CASQ2: variants seen among roughly 807,000 people sequenced by gnomAD.
CASQ2 encodes calsequestrin 2.
In CASQ2, 49 loss-of-function variants were observed where a neutral mutation model predicts 46.5. The observed-to-expected ratio is 1.05, with a 90% CI of 0.84 to 1.34. The LOEUF is 1.34. CASQ2 is among the 40% of genes most tolerant of loss of function. The pLI, the probability that CASQ2 is intolerant of heterozygous loss-of-function variation, is 0.00. For missense variants in CASQ2, 486 were observed against 481.3 expected (o/e 1.01, Z -0.09); for synonymous variants, 174 against 168.5 (o/e 1.03, Z -0.25).
In CASQ2 at chr1:115,734,154, T is replaced by A. The variant is rs576674109; in HGVS notation, c.533-1180A>T. Among the ~76,000 whole-genome samples, 24 of 152,272 alleles carry A rather than the reference T, an allele frequency of 1.6e-4. 2 individuals carry two copies. In the South Asian group the frequency reaches 4.8e-3, roughly 30 times the overall value. The stretch of plus-strand genomic sequence containing the variant: ...AGTAAGCAGGTAGTCAGAAAAGATA[T>A]CCTGTAACATCATAGCTGGGGTCGA... On this transcript the variant is annotated intron_variant, in intron 4 of 10. Coordinates refer to ENST00000261448, the MANE Select transcript of CASQ2 (RefSeq NM_001232.4).
At chr1:115,738,567 T>C (rs1648046544) in intron 3 of CASQ2, among the ~76,000 whole-genome samples, 1 of 152,198 alleles carries the variant, frequency 6.6e-6, no homozygotes, top group African/African-American at 2.4e-5. Flanking sequence ...CTTTTGCCAG[T>C]TTTAGAAAAC....
intron 5 of CASQ2, among the ~76,000 whole-genome samples, chr1:115,729,035 C>CTTTTTTTTTTTT (rs753965730): frequency 7.3e-5 from 5 of 68,862 alleles, no homozygotes; most frequent in East Asian, 4.3e-4. Flanking sequence ...CTCTTTCATT[C>CTTTTTTTTTTTT]TTTTTTTTTT....
At chr1:115,729,125 C>T (rs1463949145) in intron 5 of CASQ2, among the ~76,000 whole-genome samples, 1 of 141,166 alleles carries the variant, frequency 7.1e-6, no homozygotes, top group Non-Finnish European at 1.5e-5. Context: ...TCTCGGCTCA[C>T]TGCAATCTCC....
chr1:115,736,189 AG>A (rs1380296910), intron 4 of CASQ2, among the ~76,000 whole-genome samples: 1 of 151,824 alleles, frequency 6.6e-6, no homozygotes, highest in Non-Finnish European at 1.5e-5. Context: ...AAATAGAAAA[AG>A]CAATGGATAT....
intron 1 of CASQ2, among the ~76,000 whole-genome samples, chr1:115,750,440 T>C (rs1221676164): frequency 1.3e-5 from 2 of 152,244 alleles, no homozygotes; most frequent in Non-Finnish European, 2.9e-5. Flanking sequence ...TAGGATTTGC[T>C]TTAACCATTG....
chr1:115,747,933 A>C (rs376429701), intron 1 of CASQ2, among the ~76,000 whole-genome samples: 1 of 152,038 alleles, frequency 6.6e-6, no homozygotes. Flanking sequence ...ATGCCATTTT[A>C]TTTCTTTATC....
chr1:115,754,126 T>A (rs567672081), intron 1 of CASQ2, among the ~76,000 whole-genome samples: 18 of 152,244 alleles, frequency 1.2e-4, no homozygotes, highest in Admixed American at 1.2e-3. Context: ...TCTCCGGTAA[T>A]CTCCTGTCAC....
intron 8 of CASQ2, among the ~76,000 whole-genome samples, chr1:115,707,469 T>C (rs1654399036): frequency 6.6e-6 from 1 of 152,144 alleles, no homozygotes; most frequent in African/African-American, 2.4e-5. Flanking sequence ...GCATTAGACT[T>C]CATTTATCTG....
intron 7 of CASQ2, among the ~76,000 whole-genome samples, chr1:115,718,865 A>C (rs1225339021): frequency 6.6e-6 from 1 of 152,150 alleles, no homozygotes; most frequent in East Asian, 1.9e-4. Flanking sequence ...GGGCTCTGCT[A>C]TCACAAATGT....
intron 10 of CASQ2, 56 bp from the exon 11 acceptor site, chr1:115,701,482 C>T: frequency 8.8e-7 from 1 of 1,136,894 alleles, no homozygotes; most frequent in Non-Finnish European, 1.3e-6. Context: ...TGAACCAGAC[C>T]AGGGATAGCC....
intron 3 of CASQ2, among the ~76,000 whole-genome samples, chr1:115,740,232 C>T (rs1467695620): frequency 4.6e-5 from 7 of 152,170 alleles, no homozygotes; most frequent in Admixed American, 4.6e-4. Flanking sequence ...CTATGTTTGT[C>T]TAAGCATATG....
At chr1:115,721,100 T>C (rs1449295574) in intron 7 of CASQ2, among the ~76,000 whole-genome samples, 1 of 152,330 alleles carries the variant, frequency 6.6e-6, no homozygotes, top group Non-Finnish European at 1.5e-5. Flanking sequence ...CTATTTAAGG[T>C]GCAATGGAGT....
chr1:115,722,171 G>A (rs923949415), intron 7 of CASQ2, among the ~76,000 whole-genome samples: 7 of 152,190 alleles, frequency 4.6e-5, no homozygotes, highest in Non-Finnish European at 8.8e-5. Flanking sequence ...TAAGACATGA[G>A]GCTGTTCCAG....
At position 115,727,027 on chromosome 1, in the gene CASQ2, T is replaced by C. The variant is rs756693726; in HGVS notation, c.702A>G (p.Glu234=). 30 of 1,580,790 alleles carry C rather than the reference T, an allele frequency of 1.9e-5. No homozygotes were observed. In the Admixed American group the frequency reaches 5.1e-4, roughly 27 times the overall value. The change falls in exon 6 of 11, where the codon GAA becomes GAG. Residue 234 remains glutamate (E), a synonymous_variant. Transcript: ENST00000261448. ...CCTTCACAAACTCCACCAGCTCCTC[T>C]TCTGTGTAAGGTTTGTTGGGGATGG... ...PIAIPNKPYT[E]EELVEFVKEH... is the part of the protein sequence containing the mutation.
intron 3 of CASQ2, among the ~76,000 whole-genome samples, chr1:115,739,197 C>T (rs78224145): frequency 0.22 from 31,453 of 143,652 alleles, 3,736 homozygotes; most frequent in East Asian, 0.37. Flanking sequence ...CTGCAAGCTC[C>T]GCCTCCCAGG....
At chr1:115,747,440 A>C (rs1006512488) in intron 1 of CASQ2, among the ~76,000 whole-genome samples, 15 of 152,102 alleles carry the variant, frequency 9.9e-5, no homozygotes, top group Non-Finnish European at 2.9e-5. Context: ...TATTTTTCTA[A>C]ATTGCTTTAA....
At chr1:115,761,487 G>GAA (rs1557806816) in intron 1 of CASQ2, among the ~76,000 whole-genome samples, 327 of 17,550 alleles carry the variant, frequency 0.019, 3 homozygotes, top group Middle Eastern at 0.067. Context: ...AGAAGAAGAA[G>GAA]GAGAAGAAGG....
rs116484402 is a variant in CASQ2, at chr1:115,730,666, C to T, written c.606+2235G>A. 2.7e-3 allele frequency among the ~76,000 whole-genome samples: 405 copies of T among 152,288 alleles called. 2 individuals carry two copies. The highest frequency in any genetic ancestry group is 4.4e-3 in the Non-Finnish European group (301 of 68,024). On this transcript the variant is annotated intron_variant, in intron 5 of 10. Coordinates refer to ENST00000261448, the MANE Select transcript of CASQ2 (RefSeq NM_001232.4). The stretch of plus-strand genomic sequence containing the variant: ...AGCTTCATAATTTTTGCTGTCTTAA[C>T]GCCAAGACTTGCTATCTTAAGTTAT...
At chr1:115,715,287 A>T (rs1009760540) in intron 8 of CASQ2, among the ~76,000 whole-genome samples, 3 of 152,234 alleles carry the variant, frequency 2.0e-5, no homozygotes, top group Non-Finnish European at 4.4e-5. Context: ...GGTGGAGACA[A>T]GGGCTAGATC....
Sources: gnomAD v4.1 joint callset for allele counts (sites outside exome capture counted in the v4.1 genomes callset) on GRCh38, gnomAD v4.1.1 for gene constraint, MANE v1.5 for transcripts, NCBI Gene and HGNC (gene_info 2026-07-23, HGNC 2026-07-21) for gene names.